Variants in HIBCH observed in about 807,000 individuals in gnomAD.
HIBCH encodes 3-hydroxyisobutyryl-CoA hydrolase, mitochondrial.
HIBCH carries 50 observed loss-of-function variants against 58.2 expected under a neutral mutation model. The observed-to-expected ratio is 0.86, with a 90% CI of 0.68 to 1.09. The LOEUF is 1.09. Among genes scored for constraint, HIBCH ranks in the 50% least tolerant of loss-of-function variants. The probability of loss-of-function intolerance (pLI) is 0.00; values close to 1 mark genes in which losing one functional copy is unlikely to be tolerated. For missense variants in HIBCH, 450 were observed against 449.7 expected, an observed-to-expected ratio of 1.00 and a Z score of -0.01; for synonymous variants, 151 against 146.9, an observed-to-expected ratio of 1.03 and a Z score of -0.20.
In HIBCH at chr2:190,284,656, T is replaced by C. The variant is rs141966505; in HGVS notation, c.438+2930A>G. Among the ~76,000 whole-genome samples the C allele has an allele frequency of 6.7e-3, 1,028 of 152,352 alleles. 12 individuals are homozygous for C. The highest frequency in any genetic ancestry group is 0.022 in the African/African-American group (934 of 41,590). On this transcript the variant is annotated intron_variant, in intron 6 of 13. Coordinates refer to ENST00000359678, the MANE Select transcript of HIBCH (RefSeq NM_014362.4). ...TCTCAACCCATTGACTTCTGTCACA[T>C]TGTGTAACAGAGAAATCTGAAGAAA...
chr2:190,318,211 A>T (rs998106242), intron 1 of HIBCH, among the ~76,000 whole-genome samples: 8 of 151,922 alleles, frequency 5.3e-5, no homozygotes, highest in Admixed American at 4.6e-4. Context: ...GTCAGGTTAG[A>T]CAAAAATTTG....
chr2:190,312,557 T>A (rs1020152474), intron 1 of HIBCH, among the ~76,000 whole-genome samples: 7 of 152,218 alleles, frequency 4.6e-5, no homozygotes, highest in Non-Finnish European at 1.0e-4. Context: ...AAAGGCAATA[T>A]CACCAGTTAC....
chr2:190,200,480 T>A (rs1037555709), downstream of HIBCH: 1 of 211,570 alleles, frequency 4.7e-6, no homozygotes, highest in South Asian at 1.2e-4. Context: ...CAAATTCCAA[T>A]GGTTGAAGTT....
At chr2:190,252,042 C>T (rs1686787760) in intron 8 of HIBCH, 120 bp downstream of exon 8, 1 of 904,772 alleles carries the variant, frequency 1.1e-6, no homozygotes. Flanking sequence ...CTAATAGGTC[C>T]AGGATTCACA....
At chr2:190,218,935 T>C (rs1685639498) in intron 11 of HIBCH, among the ~76,000 whole-genome samples, 1 of 152,192 alleles carries the variant, frequency 6.6e-6, no homozygotes, top group African/African-American at 2.4e-5. Flanking sequence ...GGGAAAACTC[T>C]CAACTTGTAC....
intron 11 of HIBCH, among the ~76,000 whole-genome samples, chr2:190,237,858 C>T (rs13410853): frequency 6.6e-6 from 1 of 151,430 alleles, no homozygotes; most frequent in Non-Finnish European, 1.5e-5. Flanking sequence ...GTGTGATGTT[C>T]CCCTCCCTGT....
At chr2:190,257,741 G>A (rs1397172804) in intron 7 of HIBCH, among the ~76,000 whole-genome samples, 1 of 152,128 alleles carries the variant, frequency 6.6e-6, no homozygotes, top group Non-Finnish European at 1.5e-5. Flanking sequence ...CCTTCTTGGT[G>A]CATCATCCCA....
chr2:190,295,345 A>AT (rs1247678661), intron 3 of HIBCH, among the ~76,000 whole-genome samples: 5 of 152,238 alleles, frequency 3.3e-5, no homozygotes, highest in African/African-American at 7.2e-5. Flanking sequence ...ACAATATGAG[A>AT]TATCCTGGGG....
chr2:190,226,589 C>A (rs1685904665), intron 11 of HIBCH, among the ~76,000 whole-genome samples: 1 of 121,114 alleles, frequency 8.3e-6, no homozygotes, highest in African/African-American at 3.2e-5. Context: ...GAGTGAAACT[C>A]CGTCTCAAAA....
intron 11 of HIBCH, among the ~76,000 whole-genome samples, chr2:190,237,349 T>C (rs983596705): frequency 6.6e-6 from 1 of 152,232 alleles, no homozygotes; most frequent in Non-Finnish European, 1.5e-5. Context: ...TTTGTTGACA[T>C]ACTGCTTCCA....
intron 11 of HIBCH, among the ~76,000 whole-genome samples, chr2:190,233,034 T>C (rs1014189324): frequency 6.6e-6 from 1 of 152,008 alleles, no homozygotes; most frequent in African/African-American, 2.4e-5. Context: ...TTCTAGTGGG[T>C]TGCCAAACTC....
chr2:190,265,812 T>G (rs541322918), intron 6 of HIBCH, among the ~76,000 whole-genome samples: 1 of 152,308 alleles, frequency 6.6e-6, no homozygotes, highest in East Asian at 1.9e-4. Flanking sequence ...TAACATCCTC[T>G]TGTAATCTTT....
chr2:190,302,833 CTG>C (rs1185754233), intron 2 of HIBCH, among the ~76,000 whole-genome samples: 1 of 152,136 alleles, frequency 6.6e-6, no homozygotes, highest in Non-Finnish European at 1.5e-5. Flanking sequence ...AGTGAAGTGA[CTG>C]TGGTGATAAG....
Position 190,249,723 on chromosome 2 carries a change from C to A in HIBCH, c.667G>T (p.Ala223Ser), listed in dbSNP as rs1159265231. The change falls in exon 9 of 14, where the codon GCC (alanine) becomes TCC (serine). Residue 223 changes from alanine (A) to serine (S), a missense_variant. By Grantham distance (99) the Ala-to-Ser change is moderately conservative. Coordinates refer to ENST00000359678, the MANE Select transcript of HIBCH (RefSeq NM_014362.4). ...ATHFVDSEKL[A>S]MLEEDLLALK... The stretch of plus-strand genomic sequence containing the variant: ...GCTAACAAATCTTCCTCTAACATGG[C>A]CAACTAAAGGGGAGGCAGAAAAAAA... 2.5e-6 allele frequency: 4 copies of A among 1,596,288 alleles called. No individual in the cohort carries two copies. The South Asian group carries it at 4.4e-5, about 18-fold the overall frequency.
At chr2:190,274,367 T>C (rs929164489) in intron 6 of HIBCH, among the ~76,000 whole-genome samples, 1 of 152,204 alleles carries the variant, frequency 6.6e-6, no homozygotes, top group East Asian at 1.9e-4. Context: ...TGGATAAACA[T>C]AATCTGATTC....
At chr2:190,293,937 TA>T (rs1183930632) in intron 4 of HIBCH, among the ~76,000 whole-genome samples, 1 of 149,764 alleles carries the variant, frequency 6.7e-6, no homozygotes, top group Non-Finnish European at 1.5e-5. Context: ...TTATGAAAAA[TA>T]AAGAGAGTTT....
intron 11 of HIBCH, among the ~76,000 whole-genome samples, chr2:190,225,866 C>A (rs899714378): frequency 6.6e-6 from 1 of 152,140 alleles, no homozygotes; most frequent in African/African-American, 2.4e-5. Flanking sequence ...ATGCAAAAAT[C>A]CTCAATAAAA....
At chr2:190,274,720 A>G (rs775942190) in intron 6 of HIBCH, among the ~76,000 whole-genome samples, 1 of 152,212 alleles carries the variant, frequency 6.6e-6, no homozygotes, top group Non-Finnish European at 1.5e-5. Context: ...AGGGAGCCTA[A>G]AACTCCAGCT....
Position 190,310,776 on chromosome 2 carries a change from G to C in HIBCH, c.56C>G (p.Thr19Ser), listed in dbSNP as rs150533934. 2 of 1,610,138 alleles carry C rather than the reference G, an allele frequency of 1.2e-6. No individual in the cohort carries two copies. Among genetic ancestry groups the C allele is most frequent in the Non-Finnish European group, 1.7e-6 (2 of 1,176,412 alleles). The change falls in exon 2 of 14, where the codon ACT (threonine) becomes AGT (serine). Residue 19 changes from threonine (T) to serine (S), a missense_variant. Transcript: ENST00000359678. ...LMSRFNAFKRTNTILHHLRMS... is the reference protein window; with the variant it reads ...LMSRFNAFKRSNTILHHLRMS... ...TACCAAATGGTGCAGTATGGTATTA[G>C]TCCTTTTGAATGCATTAAACCTGAA...
Sources: allele counts gnomAD v4.1 joint callset (sites outside exome capture counted in the v4.1 genomes callset), GRCh38; gene constraint gnomAD v4.1.1; transcripts MANE v1.5; gene names NCBI Gene and HGNC (gene_info 2026-07-23, HGNC 2026-07-21).